MAPKAPK5: variants seen among roughly 807,000 people sequenced by gnomAD.
The protein encoded by MAPKAPK5 is MAPK activated protein kinase 5, also known as MAP kinase-activated protein kinase 5.
A neutral mutation model predicts 65.1 loss-of-function variants in MAPKAPK5; 30 were observed. The observed-to-expected ratio is 0.46, with a 90% CI of 0.34 to 0.63. MAPKAPK5 has a LOEUF of 0.63. Ranked by LOEUF, MAPKAPK5 falls within the 20% of genes least tolerant of loss-of-function variation. The pLI is 0.01. For synonymous variants in MAPKAPK5, 179 were observed against 204.6 expected (o/e 0.87, Z 1.07); for missense variants, 433 against 581.4 (o/e 0.74, Z 2.63).
In MAPKAPK5 at chr12:111,900,660, C is replaced by T; in HGVS notation, c.*7599C>T. The stretch of plus-strand genomic sequence containing the variant: ...TGCATGCTGTGATGAAAACTGTATA[C>T]TGAAGGCGAAAGCAGAGTGCAGTGA... On this transcript the variant is annotated 3_prime_UTR_variant, in exon 14 of 14. Coordinates refer to ENST00000550735, the MANE Select transcript of MAPKAPK5 (RefSeq NM_003668.4). 1 of 456,118 alleles carries T rather than the reference C, an allele frequency of 2.2e-6. No homozygotes were observed. Among genetic ancestry groups the T allele is most frequent in the Non-Finnish European group, 4.4e-6 (1 of 226,812 alleles). The allele number at this position is 456,118 out of a possible 1,614,324, so 28.3% of individuals were successfully genotyped here.
intron 13 of MAPKAPK5, among the ~76,000 whole-genome samples, chr12:111,891,397 T>C (rs899294119): frequency 1.1e-4 from 17 of 151,290 alleles, no homozygotes; most frequent in African/African-American, 3.6e-4. Context: ...CCACTGCACC[T>C]GGCCTGCCTT....
intron 7 of MAPKAPK5, among the ~76,000 whole-genome samples, chr12:111,876,967 A>G (rs565820706): frequency 6.6e-6 from 1 of 152,032 alleles, no homozygotes; most frequent in Non-Finnish European, 1.5e-5. Context: ...ATCTTTTTTA[A>G]TAGCCACTGT....
chr12:111,843,434 ACT>A (rs111331404), intron 1 of MAPKAPK5: 1 of 395,988 alleles, frequency 2.5e-6, no homozygotes, highest in Non-Finnish European at 4.4e-6. Context: ...CCTGTTTTTA[ACT>A]TTTTTTTTTT....
At chr12:111,877,350 C>T (rs187354316) in intron 7 of MAPKAPK5, among the ~76,000 whole-genome samples, 2 of 152,098 alleles carry the variant, frequency 1.3e-5, no homozygotes, top group East Asian at 3.9e-4. Context: ...TTCTGGCCTA[C>T]AAATGACTCC....
rs74601291 is a variant in MAPKAPK5 at position 111,893,671 on chromosome 12, G to A, written c.*610G>A. The A allele has an allele frequency of 0.031, 4,741 of 151,332 alleles. 93 individuals carry two copies. The highest frequency in any genetic ancestry group is 0.12 in the Middle Eastern group (35 of 288). The allele number at this position is 151,332 out of a possible 1,614,324, so 9.4% of individuals were successfully genotyped here. A position where few individuals can be genotyped will look rare whatever the true frequency, so the allele number is the denominator to read the frequency against. On this transcript the variant is annotated 3_prime_UTR_variant, in exon 14 of 14. Coordinates refer to ENST00000550735, the MANE Select transcript of MAPKAPK5 (RefSeq NM_003668.4). ...TGTCATATCTGTTAAAAGGGTACTG[G>A]TGTGTTTCTTAAATCTAACAGGGTT...
intron 1 of MAPKAPK5, among the ~76,000 whole-genome samples, chr12:111,848,405 T>C (rs2068966927): frequency 6.7e-6 from 1 of 149,884 alleles, no homozygotes; most frequent in African/African-American, 2.5e-5. Context: ...TTCCAATCTT[T>C]TGCCCCATTT....
chr12:111,842,930 A>G (rs1185844985), intron 1 of MAPKAPK5, 161 bp downstream of exon 1: 16 of 574,476 alleles, frequency 2.8e-5, no homozygotes, highest in Non-Finnish European at 2.4e-5. Flanking sequence ...CCTGGGGCCA[A>G]GGGTTATGGG....
intron 6 of MAPKAPK5, 53 bp from the exon 7 acceptor site, chr12:111,871,032 T>G: frequency 1.4e-6 from 2 of 1,402,598 alleles, no homozygotes; most frequent in Non-Finnish European, 2.0e-6. Context: ...GGATTTTCCT[T>G]TAATGTTTAC....
In MAPKAPK5 at chr12:111,877,893, C is replaced by T. The variant is rs4767112; in HGVS notation, c.580-2554C>T. On this transcript the variant is annotated intron_variant, in intron 7 of 13. Coordinates refer to ENST00000550735, the MANE Select transcript of MAPKAPK5 (RefSeq NM_003668.4). ...TTTTTTAAGAGATGGGGCCTCACCA[C>T]ATTGTCCAGGCTGGTCTCGAACTTC... is the stretch of plus-strand genomic sequence containing the variant. Among the ~76,000 whole-genome samples the T allele has an allele frequency of 0.056, 8,435 of 151,864 alleles. 1,301 individuals are homozygous for T. The East Asian group carries it at 0.61, about 11-fold the overall frequency.
intron 10 of MAPKAPK5, 162 bp from the exon 11 acceptor site, chr12:111,888,326 A>G (rs749444662): frequency 4.5e-5 from 42 of 939,166 alleles, no homozygotes; most frequent in Non-Finnish European, 6.2e-5. Context: ...CTGTTGATCC[A>G]TGGGGAAAAG....
chr12:111,857,046 TGG>T (rs2069264183), intron 1 of MAPKAPK5, among the ~76,000 whole-genome samples: 1 of 152,216 alleles, frequency 6.6e-6, no homozygotes, highest in African/African-American at 2.4e-5. Flanking sequence ...GACTAAAGTC[TGG>T]TAATATACAG....
intron 1 of MAPKAPK5, among the ~76,000 whole-genome samples, chr12:111,853,987 C>T (rs2069162936): frequency 6.6e-6 from 1 of 152,082 alleles, no homozygotes; most frequent in African/African-American, 2.4e-5. Context: ...TCTTGCATTC[C>T]TGGTATAAAC....
rs2069688995 is a variant in MAPKAPK5, at chr12:111,868,756, C to G, written c.288C>G (p.Ala96=). 1 of 1,552,498 alleles carries G rather than the reference C, an allele frequency of 6.4e-7. No homozygotes were observed. ...VQFPHESSPR[A]RLLIVMEMME... is the part of the protein sequence containing the mutation. ...AAAATCAAATGCTTTCAAACAGGGC[C>G]CGACTCTTAATTGTAATGGAGATGA... The change falls in exon 5 of 14, where the codon GCC becomes GCG. Residue 96 remains alanine (A), a synonymous_variant. Coordinates refer to ENST00000550735, the MANE Select transcript of MAPKAPK5 (RefSeq NM_003668.4).
rs781583772 is a variant in MAPKAPK5, at chr12:111,900,631, A to G, written c.*7570A>G. ...TGTGACTGTGGTTCTCTATGTCAGC[A>G]TCATGCATGCTGTGATGAAAACTGT... On this transcript the variant is annotated 3_prime_UTR_variant, in exon 14 of 14. Transcript: ENST00000550735. 98 of 456,128 alleles carry G rather than the reference A, an allele frequency of 2.1e-4. 2 individuals carry two copies. Among genetic ancestry groups the G allele is most frequent in the South Asian group, 1.5e-3 (96 of 64,560 alleles). 28.3% of individuals were successfully genotyped at this position (456,128 alleles called of 1,614,324 possible). A position where few individuals can be genotyped will look rare whatever the true frequency, so the allele number is the denominator to read the frequency against.
Position 111,880,543 on chromosome 12 carries a change from T to C in MAPKAPK5, c.660+16T>C. On this transcript the variant is annotated intron_variant, in intron 8 of 13. Transcript: ENST00000550735. ...TTACAACAAGGTACAGGAAGAGATA[T>C]TTCTCTTCATTTGACAGATGCAGCC... 1 of 1,610,004 alleles carries C rather than the reference T, an allele frequency of 6.2e-7. No homozygotes were observed. The highest frequency in any genetic ancestry group is 8.5e-7 in the Non-Finnish European group (1 of 1,176,540).
intron 13 of MAPKAPK5, among the ~76,000 whole-genome samples, chr12:111,891,502 A>C (rs1262254906): frequency 3.3e-5 from 5 of 151,530 alleles, no homozygotes; most frequent in Non-Finnish European, 7.4e-5. Context: ...TTTTTAAAGA[A>C]AAATTTGAGG....
chr12:111,864,510 A>G (rs140572853), intron 1 of MAPKAPK5, among the ~76,000 whole-genome samples: 2 of 152,288 alleles, frequency 1.3e-5, no homozygotes, highest in East Asian at 3.9e-4. Flanking sequence ...GTCTCTTATA[A>G]TAAATAAGTG....
rs533919044 is a variant in MAPKAPK5, at chr12:111,875,932, G to A, written c.580-4515G>A. 5.3e-5 allele frequency among the ~76,000 whole-genome samples: 8 copies of A among 152,150 alleles called. No individual in the cohort carries two copies. In the South Asian group the frequency reaches 8.3e-4, roughly 16 times the overall value. ...GTTCAAAAAAAGTGATGGGCCGGGC[G>A]CAGTGGCTTACCCCTGTAATCCCAG... On this transcript the variant is annotated intron_variant, in intron 7 of 13. Transcript: ENST00000550735.
intron 1 of MAPKAPK5, among the ~76,000 whole-genome samples, chr12:111,864,215 C>T (rs1399754704): frequency 6.6e-6 from 1 of 152,116 alleles, no homozygotes; most frequent in Non-Finnish European, 1.5e-5. Context: ...TTCAAGGCTG[C>T]AGTGAGAAAT....
Sources: gnomAD v4.1 joint callset for allele counts (sites outside exome capture counted in the v4.1 genomes callset) on GRCh38, gnomAD v4.1.1 for gene constraint, MANE v1.5 for transcripts, NCBI Gene and HGNC (gene_info 2026-07-23, HGNC 2026-07-21) for gene names.